RFX3: variants seen among roughly 807,000 people sequenced by gnomAD.
RFX3 encodes transcription factor RFX3.
In RFX3, 14 loss-of-function variants were observed where a neutral mutation model predicts 98.6. That is an observed-to-expected ratio of 0.14 (90% confidence interval 0.09 to 0.22). The LOEUF (loss-of-function observed/expected upper bound fraction) is 0.22. RFX3 is among the 10% of genes least tolerant of loss of function. The pLI is 1.00. For synonymous variants in RFX3, 383 were observed against 328.4 expected, an observed-to-expected ratio of 1.17 and a Z score of -1.80; for missense variants, 639 against 926.9, an observed-to-expected ratio of 0.69 and a Z score of 4.03.
intron 1 of RFX3, among the ~76,000 whole-genome samples, chr9:3,520,985 T>C (rs1308419683): frequency 1.3e-5 from 2 of 152,206 alleles, no homozygotes; most frequent in South Asian, 2.1e-4. Flanking sequence ...GCCAGAATTA[T>C]CTAGATAATG....
chr9:3,253,657 T>G (rs1352757872), intron 14 of RFX3, among the ~76,000 whole-genome samples: 1 of 152,164 alleles, frequency 6.6e-6, no homozygotes, highest in East Asian at 1.9e-4. Flanking sequence ...CTGTATCAAC[T>G]GCTATTATGA....
At chr9:3,341,345 G>A (rs1305735983) in intron 3 of RFX3, among the ~76,000 whole-genome samples, 17 of 151,628 alleles carry the variant, frequency 1.1e-4, no homozygotes, top group Non-Finnish European at 2.2e-4. Context: ...CATGGCACAT[G>A]TATACATATG....
chr9:3,341,282 A>T (rs1217502498), intron 3 of RFX3, among the ~76,000 whole-genome samples: 3 of 152,026 alleles, frequency 2.0e-5, no homozygotes, highest in African/African-American at 2.4e-5. Flanking sequence ...GAGGGATAGC[A>T]TTAGGAGATA....
At chr9:3,235,613 AT>A (rs1292317851) in intron 15 of RFX3, among the ~76,000 whole-genome samples, 5 of 151,834 alleles carry the variant, frequency 3.3e-5, no homozygotes, top group Non-Finnish European at 5.9e-5. Context: ...CTAGAAAAGA[AT>A]TTTTTTTACC....
At chr9:3,311,277 G>C (rs1403819395) in intron 4 of RFX3, among the ~76,000 whole-genome samples, 1 of 152,164 alleles carries the variant, frequency 6.6e-6, no homozygotes, top group African/African-American at 2.4e-5. Flanking sequence ...AATCAGGTAA[G>C]ACAAAAACAT....
intron 3 of RFX3, among the ~76,000 whole-genome samples, chr9:3,339,802 A>G (rs1335631926): frequency 6.6e-6 from 1 of 152,156 alleles, no homozygotes; most frequent in Non-Finnish European, 1.5e-5. Context: ...AGGAAGAATC[A>G]ATATCGTGAA....
intron 1 of RFX3, among the ~76,000 whole-genome samples, chr9:3,450,775 G>T (rs1324775020): frequency 1.3e-5 from 2 of 152,160 alleles, no homozygotes; most frequent in African/African-American, 4.8e-5. Context: ...ACAGAAAACA[G>T]TAATAAGAAT....
intron 2 of RFX3, among the ~76,000 whole-genome samples, chr9:3,375,261 G>A (rs950954453): frequency 3.3e-5 from 5 of 152,252 alleles, no homozygotes; most frequent in Middle Eastern, 3.4e-3. Flanking sequence ...ATAGGAGTGC[G>A]CCTGATAATA....
chr9:3,476,277 C>A (rs1033394720), intron 1 of RFX3, among the ~76,000 whole-genome samples: 1 of 151,744 alleles, frequency 6.6e-6, no homozygotes, highest in African/African-American at 2.4e-5. Context: ...TACACTGGAA[C>A]AACTCGTGCC....
chr9:3,369,918 C>CT (rs1362849764), intron 2 of RFX3, among the ~76,000 whole-genome samples: 26 of 151,978 alleles, frequency 1.7e-4, no homozygotes, highest in Admixed American at 3.3e-4. Context: ...CAAGCTCCGC[C>CT]CTCGGGTTCC....
At position 3,346,783 on chromosome 9, in the gene RFX3, G is replaced by A; in HGVS notation, c.118-19C>T. On this transcript the variant is annotated intron_variant, in intron 2 of 16. Coordinates refer to ENST00000617270, the MANE Select transcript of RFX3 (RefSeq NM_001282116.2). ...GCTGTACCTGAAAAACAAGTATTAG[G>A]ACCTTGGTAAGAGGTAGGTATGATA... 2.0e-6 allele frequency: 3 copies of A among 1,528,056 alleles called. No homozygotes were observed. Among genetic ancestry groups the A allele is most frequent in the Non-Finnish European group, 1.8e-6 (2 of 1,101,548 alleles). 94.7% of individuals were successfully genotyped at this position (1,528,056 alleles called of 1,614,324 possible).
At chr9:3,324,174 C>A in intron 4 of RFX3, 1 of 252,082 alleles carries the variant, frequency 4.0e-6, no homozygotes. Context: ...AATAAGTGGA[C>A]AGAGTCTTTT....
chr9:3,320,790 TA>T (rs1831200972), intron 4 of RFX3, among the ~76,000 whole-genome samples: 2 of 142,066 alleles, frequency 1.4e-5, no homozygotes, highest in Admixed American at 1.4e-4. Flanking sequence ...TATATATATA[TA>T]TATATATATA....
At chr9:3,434,343 T>G (rs147579998) in intron 1 of RFX3, among the ~76,000 whole-genome samples, 12 of 152,286 alleles carry the variant, frequency 7.9e-5, no homozygotes, top group Middle Eastern at 3.4e-3. Flanking sequence ...TCATCCTTTA[T>G]AAGGCTCATC....
intron 2 of RFX3, among the ~76,000 whole-genome samples, chr9:3,369,995 ATTTTTTTTTTTTT>A (rs71324244): frequency 0.07 from 9,209 of 132,014 alleles, 438 homozygotes; most frequent in South Asian, 0.17. Context: ...CGCCCGGCTA[ATTTTTTTTTTTTT>A]TTTTTTGTAT....
chr9:3,504,893 A>C (rs867342926), intron 1 of RFX3, among the ~76,000 whole-genome samples: 11 of 59,160 alleles, frequency 1.9e-4, no homozygotes, highest in African/African-American at 1.1e-3. Flanking sequence ...ATATAATATA[A>C]CATATATTAT....
chr9:3,493,469 G>A (rs1029169451), intron 1 of RFX3, among the ~76,000 whole-genome samples: 17 of 151,840 alleles, frequency 1.1e-4, no homozygotes, highest in Non-Finnish European at 2.2e-4. Flanking sequence ...CAGATCACGA[G>A]GTCAGGAGAT....
chr9:3,414,217 T>A (rs564376087), intron 1 of RFX3, among the ~76,000 whole-genome samples: 1 of 152,266 alleles, frequency 6.6e-6, no homozygotes, highest in East Asian at 1.9e-4. Context: ...CTGTAAAGGC[T>A]ATGCTCCTGC....
chr9:3,268,241 A>T (rs1350607914), intron 11 of RFX3, among the ~76,000 whole-genome samples: 1 of 151,836 alleles, frequency 6.6e-6, no homozygotes, highest in Non-Finnish European at 1.5e-5. Context: ...TAGCTAAAAA[A>T]AGAAATCCCA....
Sources: allele counts gnomAD v4.1 joint callset (sites outside exome capture counted in the v4.1 genomes callset), GRCh38; gene constraint gnomAD v4.1.1; transcripts MANE v1.5; gene names NCBI Gene and HGNC (gene_info 2026-07-23, HGNC 2026-07-21).